HAO1: variants seen among roughly 807,000 people sequenced by gnomAD.
HAO1 encodes the protein hydroxyacid oxidase 1.
Under a neutral mutation model 39.7 loss-of-function variants are expected in HAO1, and 34 were observed. The ratio of observed to expected loss-of-function variants is 0.86; its 90% CI spans 0.65 to 1.14. The LOEUF (loss-of-function observed/expected upper bound fraction) is 1.14. HAO1 is among the 50% of genes most tolerant of loss of function. The pLI, the probability that HAO1 is intolerant of heterozygous loss-of-function variation, is 0.00. For synonymous variants in HAO1, 172 were observed against 173.2 expected, an observed-to-expected ratio of 0.99 and a Z score of 0.05; for missense variants, 479 against 464.5, an observed-to-expected ratio of 1.03 and a Z score of -0.29.
chr20:7,922,599 C>T (rs1216526707), intron 2 of HAO1, among the ~76,000 whole-genome samples: 2 of 152,034 alleles, frequency 1.3e-5, no homozygotes, highest in Non-Finnish European at 2.9e-5. Flanking sequence ...TCCCAAGGTA[C>T]ACATTACTTT....
rs777968383 is a variant in HAO1, at chr20:7,934,494, G to T, written c.279C>A (p.Ala93=). The T allele has an allele frequency of 6.2e-7, 1 of 1,609,306 alleles. No individual in the cohort carries two copies. The highest frequency in any genetic ancestry group is 1.7e-5 in the Admixed American group (1 of 58,764). ...QRMAHVDGEL[A]TVRACQSLGT... is the part of the protein sequence containing the mutation. ...CAATCTTCCTCCTACCTCTCACAGT[G>T]GCAAGCTCGCCGTCCACATGAGCCA... The change falls in exon 2 of 8, where the codon GCC becomes GCA. Residue 93 remains alanine, a synonymous_variant. Coordinates refer to ENST00000378789, the MANE Select transcript of HAO1 (RefSeq NM_017545.3).
chr20:7,907,099 T>C (rs2122769211), intron 3 of HAO1, among the ~76,000 whole-genome samples: 1 of 152,288 alleles, frequency 6.6e-6, no homozygotes, highest in Admixed American at 6.5e-5. Flanking sequence ...GTGGTGGGCA[T>C]GGGAGAAGTG....
chr20:7,909,346 T>TA (rs2050264423), intron 3 of HAO1, among the ~76,000 whole-genome samples: 1 of 140,510 alleles, frequency 7.1e-6, no homozygotes, highest in South Asian at 2.4e-4. Context: ...ATGCTATTTT[T>TA]ATTCGGATTA....
chr20:7,929,926 C>T (rs2050378488), intron 2 of HAO1, among the ~76,000 whole-genome samples: 1 of 152,124 alleles, frequency 6.6e-6, no homozygotes, highest in Non-Finnish European at 1.5e-5. Context: ...TATTATTCCA[C>T]AGTTGTGAGA....
intron 4 of HAO1, among the ~76,000 whole-genome samples, chr20:7,898,658 C>T (rs2050207994): frequency 6.6e-6 from 1 of 152,110 alleles, no homozygotes; most frequent in Non-Finnish European, 1.5e-5. Context: ...CATACAGTAC[C>T]ACTAGTCATG....
chr20:7,927,452 C>G (rs536385673), intron 2 of HAO1, among the ~76,000 whole-genome samples: 1 of 152,070 alleles, frequency 6.6e-6, no homozygotes, highest in African/African-American at 2.4e-5. Flanking sequence ...ACTTATAAAA[C>G]AGCTTAAATA....
chr20:7,934,806 A>G (rs918271867), intron 1 of HAO1, among the ~76,000 whole-genome samples, 171 bp from the exon 2 acceptor site: 1 of 152,224 alleles, frequency 6.6e-6, no homozygotes, highest in Non-Finnish European at 1.5e-5. Context: ...TTGTTTGGTT[A>G]GAAAGTTAAC....
rs765988014 is a variant in HAO1, at chr20:7,883,660, C to T, written c.1046G>A (p.Cys349Tyr). Residue 349 changes from cysteine (C) to tyrosine (Y), a missense_variant, in exon 8 of 8, where the codon TGC (cysteine) becomes TAC (tyrosine). Physicochemically the swap from Cys to Tyr is radical, Grantham distance 194 (BLOSUM62 -2). Coordinates refer to ENST00000378789, the MANE Select transcript of HAO1 (RefSeq NM_017545.3). The stretch of plus-strand genomic sequence containing the variant: ...CTTGTCGATGACTTTCACATTCTGG[C>T]ACCCTGAAAAAATAATGCATACATT... ...EFRLAMALSGCQNVKVIDKTL... is the reference protein window; with the variant it reads ...EFRLAMALSGYQNVKVIDKTL... 9.3e-6 allele frequency: 15 copies of T among 1,608,906 alleles called. No homozygotes were observed. The South Asian group carries it at 1.5e-4, about 17-fold the overall frequency.
intron 4 of HAO1, among the ~76,000 whole-genome samples, chr20:7,895,537 A>G (rs1459057860): frequency 6.6e-6 from 1 of 152,102 alleles, no homozygotes; most frequent in Non-Finnish European, 1.5e-5. Context: ...ATTTTCAATT[A>G]ATAAGATTAT....
At chr20:7,924,434 G>A (rs574245143) in intron 2 of HAO1, among the ~76,000 whole-genome samples, 80 of 152,234 alleles carry the variant, frequency 5.3e-4, no homozygotes, top group African/African-American at 1.9e-3. Context: ...GAAATAAGAT[G>A]ATGAACCATC....
chr20:7,884,105 C>T (rs1038774341), intron 7 of HAO1, among the ~76,000 whole-genome samples: 13 of 152,178 alleles, frequency 8.5e-5, no homozygotes, highest in Non-Finnish European at 1.8e-4. Context: ...TCTTTACCTT[C>T]AAAAATGCGG....
chr20:7,939,253 G>A (rs1266830835), intron 1 of HAO1, among the ~76,000 whole-genome samples: 1 of 152,188 alleles, frequency 6.6e-6, no homozygotes, highest in African/African-American at 2.4e-5. Flanking sequence ...GCTTGAAAGG[G>A]TTGGGGAGAG....
At chr20:7,903,585 G>T (rs1222185130) in intron 4 of HAO1, among the ~76,000 whole-genome samples, 1 of 151,008 alleles carries the variant, frequency 6.6e-6, no homozygotes, top group Non-Finnish European at 1.5e-5. Flanking sequence ...GGTGGTTGTG[G>T]TTATGGCGCT....
In HAO1 at chr20:7,883,202, G is replaced by A; in HGVS notation, c.*391C>T. 5.5e-6 allele frequency: 1 copy of A among 180,328 alleles called. No homozygotes were observed. The highest frequency in any genetic ancestry group is 1.2e-5 in the Non-Finnish European group (1 of 83,478). The allele number at this position is 180,328 out of a possible 1,614,324, so 11.2% of individuals were successfully genotyped here. ...CTGAGCTTACAATTTAAGAACCACT[G>A]TTTTAAAGACATGTAAACAGAATAC... On this transcript the variant is annotated 3_prime_UTR_variant, in exon 8 of 8. Transcript: ENST00000378789.
chr20:7,899,563 T>A (rs1037029226), intron 4 of HAO1, among the ~76,000 whole-genome samples: 1 of 152,130 alleles, frequency 6.6e-6, no homozygotes, highest in African/African-American at 2.4e-5. Context: ...TCAAGTGGTT[T>A]TTATATTCTT....
Position 7,940,398 on chromosome 20 carries a change from T to TG in HAO1, c.24dup (p.Asn9GlnfsTer2). 1 of 1,610,636 alleles carries TG rather than the reference T, an allele frequency of 6.2e-7. No individual in the cohort carries two copies. Among genetic ancestry groups the TG allele is most frequent in the East Asian group, 2.2e-5 (1 of 44,796 alleles). Reference sequence around the variant, plus strand: ...GATTTAGCATGTTGTTCATAATCATTGATACAAATTAGCCGGGGGAGCATT... The same window carrying TG: ...GATTTAGCATGTTGTTCATAATCATTGGATACAAATTAGCCGGGGGAGCATT... On this transcript the variant is annotated frameshift_variant, in exon 1 of 8. Coordinates refer to ENST00000378789, the MANE Select transcript of HAO1 (RefSeq NM_017545.3). LOFTEE classifies it high-confidence loss of function.
chr20:7,923,191 G>T (rs560815445), intron 2 of HAO1, among the ~76,000 whole-genome samples: 11 of 152,098 alleles, frequency 7.2e-5, no homozygotes, highest in Non-Finnish European at 8.8e-5. Context: ...CTCTGGGGAC[G>T]CTAATCCGGA....
In HAO1 at chr20:7,885,798, C is replaced by T. The variant is rs147507501; in HGVS notation, c.880G>A (p.Val294Met). ...TTCAGAACATCAGTGCCTTTCCGCA[C>T]ACCCCCGTCCAGGAAGACTTCCACC... ...GKVEVFLDGG[V>M]RKGTDVLKAL... The change falls in exon 6 of 8, where the codon GTG becomes ATG. Residue 294 changes from valine to methionine, a missense_variant. Transcript: ENST00000378789. 6.2e-7 allele frequency: 1 copy of T among 1,613,334 alleles called. No individual in the cohort carries two copies. The highest frequency in any genetic ancestry group is 8.5e-7 in the Non-Finnish European group (1 of 1,179,278).
chr20:7,926,092 G>C (rs2050358072), intron 2 of HAO1, among the ~76,000 whole-genome samples: 1 of 152,012 alleles, frequency 6.6e-6, no homozygotes, highest in Non-Finnish European at 1.5e-5. Flanking sequence ...CACACAGAAA[G>C]AGCATGTCAC....
Sources: allele counts gnomAD v4.1 joint callset (sites outside exome capture counted in the v4.1 genomes callset), GRCh38; gene constraint gnomAD v4.1.1; transcripts MANE v1.5; gene names NCBI Gene and HGNC (gene_info 2026-07-23, HGNC 2026-07-21).